Variants in NBAS observed in about 807,000 individuals in gnomAD.
NBAS encodes the protein NBAS subunit of NRZ tethering complex.
Under a neutral mutation model 302.5 loss-of-function variants are expected in NBAS, and 219 were observed. The ratio of observed to expected loss-of-function variants is 0.72; its 90% CI spans 0.65 to 0.81. The LOEUF (loss-of-function observed/expected upper bound fraction) is 0.81. Among genes scored for constraint, NBAS ranks in the 30% least tolerant of loss-of-function variants. The probability of loss-of-function intolerance (pLI) is 0.00; values close to 1 mark genes in which losing one functional copy is unlikely to be tolerated. For missense variants in NBAS, 2,932 were observed against 2,841.6 expected, an observed-to-expected ratio of 1.03 and a Z score of -0.72; for synonymous variants, 1,118 against 1,021.6, an observed-to-expected ratio of 1.09 and a Z score of -1.80.
chr2:15,458,544 A>G (rs1419116291), intron 21 of NBAS, among the ~76,000 whole-genome samples: 1 of 152,034 alleles, frequency 6.6e-6, no homozygotes, highest in Non-Finnish European at 1.5e-5. Context: ...ACCATGTGAG[A>G]GCGCTTGCTC....
In NBAS at chr2:15,275,484, C is replaced by A. The variant is rs751941601; in HGVS notation, c.5724G>T (p.Lys1908Asn). 1 of 1,613,692 alleles carries A rather than the reference C, an allele frequency of 6.2e-7. No individual in the cohort carries two copies. The highest frequency in any genetic ancestry group is 8.5e-7 in the Non-Finnish European group (1 of 1,179,880). The change falls in exon 44 of 52, where the codon AAG becomes AAT. Residue 1908 changes from lysine to asparagine, a missense_variant and splice_region_variant. Lys to Asn is a moderately conservative substitution (Grantham distance 94, BLOSUM62 0). Transcript: ENST00000281513. Reference protein sequence around the residue: ...AVTFSPKAVTKLSVEARKEMT... With the variant: ...AVTFSPKAVTNLSVEARKEMT... ...CACTTTAAAATATCTTTTTGTTTAC[C>A]TTGGTCACAGCTTTTGGAGAAAATG...
chr2:14,903,982 T>TC, the NBAS span, among the ~76,000 whole-genome samples: 2 of 152,146 alleles, frequency 1.3e-5, no homozygotes, highest in African/African-American at 4.8e-5. Flanking sequence ...TCGAGCGCCC[T>TC]CCATAGGCTA....
chr2:15,308,600 C>T (rs990446707), intron 39 of NBAS, among the ~76,000 whole-genome samples: 3 of 152,188 alleles, frequency 2.0e-5, no homozygotes, highest in Non-Finnish European at 2.9e-5. Context: ...TCTCTAGATA[C>T]TGACCAGGAT....
At chr2:15,257,663 G>A (rs1021104942) in intron 44 of NBAS, among the ~76,000 whole-genome samples, 3 of 152,122 alleles carry the variant, frequency 2.0e-5, no homozygotes, top group Admixed American at 1.3e-4. Flanking sequence ...AAAGTGCTGG[G>A]ATTACAGGCC....
At chr2:14,944,552 A>G in the NBAS span, among the ~76,000 whole-genome samples, 1 of 152,108 alleles carries the variant, frequency 6.6e-6, no homozygotes, top group Non-Finnish European at 1.5e-5. Flanking sequence ...ACTTTCCATG[A>G]AGGTATTAAA....
the NBAS span, among the ~76,000 whole-genome samples, chr2:15,051,871 A>G: frequency 6.6e-6 from 1 of 151,898 alleles, no homozygotes; most frequent in Non-Finnish European, 1.5e-5. Context: ...TTCTTTCTCT[A>G]GTCTCAGAAT....
chr2:14,955,018 A>G, the NBAS span, among the ~76,000 whole-genome samples: 23 of 152,366 alleles, frequency 1.5e-4, no homozygotes, highest in African/African-American at 5.1e-4. Flanking sequence ...CATCAGAGAC[A>G]AGGAGAGTCC....
chr2:14,808,096 C>A, the NBAS span, among the ~76,000 whole-genome samples: 1 of 152,130 alleles, frequency 6.6e-6, no homozygotes, highest in Non-Finnish European at 1.5e-5. Context: ...GAATGAATTA[C>A]TTTTTGTGCA....
intron 30 of NBAS, among the ~76,000 whole-genome samples, chr2:15,376,610 G>A (rs1031776367): frequency 6.6e-5 from 10 of 152,088 alleles, no homozygotes; most frequent in Non-Finnish European, 1.3e-4. Flanking sequence ...GGGGGGAATG[G>A]GGGGACTTGG....
the NBAS span, among the ~76,000 whole-genome samples, chr2:14,930,853 A>G: frequency 6.6e-6 from 1 of 152,230 alleles, no homozygotes; most frequent in Non-Finnish European, 1.5e-5. Context: ...AATTGTTATC[A>G]TAAAACAGAG....
chr2:14,815,805 AG>A, the NBAS span, among the ~76,000 whole-genome samples: 4 of 152,190 alleles, frequency 2.6e-5, no homozygotes, highest in African/African-American at 9.7e-5. Flanking sequence ...ACACCATCCC[AG>A]ACTAGCTTTT....
chr2:15,553,234 T>C (rs1471810867), intron 5 of NBAS, among the ~76,000 whole-genome samples, 192 bp downstream of exon 5: 5 of 152,218 alleles, frequency 3.3e-5, no homozygotes, highest in Admixed American at 2.6e-4. Context: ...AGGAGAAAGA[T>C]AAGCATATAA....
the NBAS span, among the ~76,000 whole-genome samples, chr2:14,984,253 C>G: frequency 2.0e-5 from 3 of 152,032 alleles, no homozygotes; most frequent in African/African-American, 7.3e-5. Flanking sequence ...TTAGTCTCTG[C>G]CCCCTACCCT....
At chr2:14,939,173 G>A in the NBAS span, among the ~76,000 whole-genome samples, 2 of 152,250 alleles carry the variant, frequency 1.3e-5, no homozygotes, top group African/African-American at 2.4e-5. Flanking sequence ...CTGCCATGCT[G>A]CCCTGGCTTG....
intron 48 of NBAS, among the ~76,000 whole-genome samples, chr2:15,202,337 C>T (rs532791641): frequency 3.4e-4 from 52 of 152,124 alleles, no homozygotes; most frequent in Admixed American, 3.1e-3. Flanking sequence ...GCTGTCACTT[C>T]GATATGTAAT....
intron 25 of NBAS, among the ~76,000 whole-genome samples, chr2:15,410,428 C>A (rs957493507): frequency 1.3e-5 from 2 of 152,144 alleles, no homozygotes; most frequent in Non-Finnish European, 2.9e-5. Flanking sequence ...AATACTTTTT[C>A]ATAAAGCCCA....
intron 11 of NBAS, among the ~76,000 whole-genome samples, chr2:15,490,875 T>C (rs1394749961): frequency 6.6e-6 from 1 of 152,170 alleles, no homozygotes; most frequent in Non-Finnish European, 1.5e-5. Context: ...ACCACCTGAA[T>C]AATTAGTCAT....
chr2:15,087,189 T>A, the NBAS span, among the ~76,000 whole-genome samples: 1 of 148,812 alleles, frequency 6.7e-6, no homozygotes, highest in African/African-American at 2.5e-5. Flanking sequence ...AGCCTCCATA[T>A]CATGTGGGCC....
At chr2:15,058,887 G>A in the NBAS span, among the ~76,000 whole-genome samples, 3 of 152,196 alleles carry the variant, frequency 2.0e-5, no homozygotes, top group Admixed American at 1.3e-4. Context: ...CGACCTCCAA[G>A]GCCAAATCCC....
Sources: allele counts gnomAD v4.1 joint callset (sites outside exome capture counted in the v4.1 genomes callset), GRCh38; gene constraint gnomAD v4.1.1; transcripts MANE v1.5; gene names NCBI Gene and HGNC (gene_info 2026-07-23, HGNC 2026-07-21).